Variants in GSTA3 observed in about 807,000 individuals in gnomAD.
GSTA3 encodes the protein glutathione S-transferase A3.
A neutral mutation model predicts 23.1 loss-of-function variants in GSTA3; 16 were observed. The ratio of observed to expected loss-of-function variants is 0.69; its 90% CI spans 0.47 to 1.05. The LOEUF (loss-of-function observed/expected upper bound fraction) is 1.05, where lower values mean the gene tolerates loss of function less well. GSTA3 is among the 50% of genes least tolerant of loss of function. The probability of loss-of-function intolerance (pLI) is 0.00; values close to 1 mark genes in which losing one functional copy is unlikely to be tolerated. For missense variants in GSTA3, 319 were observed against 263.6 expected (o/e 1.21, Z -1.46); for synonymous variants, 122 against 91.0 (o/e 1.34, Z -1.94).
Position 52,899,962 on chromosome 6 carries a change from T to C in GSTA3, c.386A>G (p.Lys129Arg). 1 of 1,614,130 alleles carries C rather than the reference T, an allele frequency of 6.2e-7. No homozygotes were observed. Among genetic ancestry groups the C allele is most frequent in the South Asian group, 1.1e-5 (1 of 91,072 alleles). ...AKIALIKEKT[K>R]SRYFPAFEKV... ...TTCGAAGGCAGGGAAATAGCGACTT[T>C]TTGTTTTCTCTTTGATCAAGGCAAT... The change falls in exon 5 of 7, where the codon AAA becomes AGA. Residue 129 changes from lysine (K) to arginine (R), a missense_variant. By Grantham distance (26) the Lys-to-Arg change is conservative. Transcript: ENST00000211122.
chr6:52,908,917 CAAG>C lies in GSTA3; in HGVS notation c.-22+721_-22+723del, dbSNP rs962135228. Among the ~76,000 whole-genome samples, 6 of 151,244 alleles carry C rather than the reference CAAG, an allele frequency of 4.0e-5. No homozygotes were observed. In the East Asian group the frequency reaches 9.7e-4, roughly 24 times the overall value. On this transcript the variant is annotated intron_variant, in intron 1 of 6. Coordinates refer to ENST00000211122, the MANE Select transcript of GSTA3 (RefSeq NM_000847.5). ...ACCCTTTGGTCCCAGATACTTCGAA[CAAG>C]AAGGAGGAGGAGGAAGAAGAGGCAG...
intron 2 of GSTA3, among the ~76,000 whole-genome samples, chr6:52,905,202 C>T (rs780144899): frequency 1.9e-4 from 29 of 152,134 alleles, no homozygotes; most frequent in Non-Finnish European, 3.5e-4. Flanking sequence ...AATCATCTAG[C>T]TGCAGTAATC....
intron 1 of GSTA3, among the ~76,000 whole-genome samples, chr6:52,907,481 C>T (rs529541289): frequency 0.017 from 2,526 of 150,148 alleles, 34 homozygotes; most frequent in Middle Eastern, 0.031. Context: ...GGGTATATAC[C>T]GAAAGGACTA....
intron 1 of GSTA3, among the ~76,000 whole-genome samples, chr6:52,907,121 AAAAC>A (rs1187508799): frequency 1.4e-5 from 2 of 143,038 alleles, no homozygotes; most frequent in East Asian, 4.0e-4. Context: ...TTACAAGAAA[AAAAC>A]AAACAACCCC....
At chr6:52,905,890 T>A (rs1429709880) in intron 1 of GSTA3, 35 bp from the exon 2 acceptor site, 33 of 1,079,648 alleles carry the variant, frequency 3.1e-5, no homozygotes, top group Non-Finnish European at 4.1e-5. Context: ...AATGGATGAA[T>A]GAATGAGTCT....
chr6:52,905,839 A>G lies in GSTA3; in HGVS notation c.-5T>C, dbSNP rs757825518. Reference sequence around the variant, plus strand: ...AAGCTTGGGCTTCCCTGCCATGGTAACAGTCTCTTGGTTTCTCTAAAATGA... The same window carrying G: ...AAGCTTGGGCTTCCCTGCCATGGTAGCAGTCTCTTGGTTTCTCTAAAATGA... On this transcript the variant is annotated 5_prime_UTR_variant, in exon 2 of 7. Coordinates refer to ENST00000211122, the MANE Select transcript of GSTA3 (RefSeq NM_000847.5). 22 of 1,576,060 alleles carry G rather than the reference A, an allele frequency of 1.4e-5. No homozygotes were observed. The Middle Eastern group carries it at 1.5e-3, about 108-fold the overall frequency.
At chr6:52,900,096 A>C (rs1227289424) in intron 4 of GSTA3, 21 bp from the exon 5 acceptor site, 3 of 1,591,250 alleles carry the variant, frequency 1.9e-6, no homozygotes, top group African/African-American at 1.4e-5. Flanking sequence ...AAAACAGCCA[A>C]AGCATCAAAT....
intron 1 of GSTA3, among the ~76,000 whole-genome samples, chr6:52,908,350 C>G (rs1765965740): frequency 6.6e-6 from 1 of 151,632 alleles, no homozygotes; most frequent in Non-Finnish European, 1.5e-5. Flanking sequence ...AATAAAGTCT[C>G]TATTTAAAAA....
rs1235166188 is a variant in GSTA3 at position 52,899,925 on chromosome 6, T to G, written c.414+9A>C. The G allele has an allele frequency of 7.4e-6, 12 of 1,613,994 alleles. No individual in the cohort carries two copies. Among genetic ancestry groups the G allele is most frequent in the Middle Eastern group, 1.7e-4 (1 of 6,058 alleles). ...TCAGTGCCCCAAAATGCTGAACAGC[T>G]TCACCTACTTTTTCGAAGGCAGGGA... On this transcript the variant is annotated intron_variant, in intron 5 of 6. Coordinates refer to ENST00000211122, the MANE Select transcript of GSTA3 (RefSeq NM_000847.5).
intron 3 of GSTA3, 52 bp from the exon 4 acceptor site, chr6:52,902,530 T>C (rs1249782458): frequency 2.0e-6 from 3 of 1,533,664 alleles, no homozygotes; most frequent in Non-Finnish European, 2.7e-6. Flanking sequence ...AATCCCACTA[T>C]TTCAGGAAGA....
rs45556339 is a variant in GSTA3, at chr6:52,905,426, G to T, written c.87+322C>A. Among the ~76,000 whole-genome samples, 1,068 of 151,812 alleles carry T rather than the reference G, an allele frequency of 7.0e-3. 10 individuals are homozygous for T. The highest frequency in any genetic ancestry group is 0.024 in the African/African-American group (974 of 41,362). Reference sequence around the variant, plus strand: ...TATCTAACATTCAATCAATATTCAGGTTTCTAATTTTTATGTGTCATAAGT... The same window carrying T: ...TATCTAACATTCAATCAATATTCAGTTTTCTAATTTTTATGTGTCATAAGT... On this transcript the variant is annotated intron_variant, in intron 2 of 6. Coordinates refer to ENST00000211122, the MANE Select transcript of GSTA3 (RefSeq NM_000847.5).
Position 52,905,791 on chromosome 6 carries a change from C to A in GSTA3, c.44G>T (p.Arg15Ile), listed in dbSNP as rs766417779. ...CAAGAGCCACCGGATGGGCTCCATT[C>A]TGCCCCGTCCATTGAAGTAGTGAAG... is the stretch of plus-strand genomic sequence containing the variant. The part of the protein sequence containing the change: ...PKLHYFNGRG[R>I]MEPIRWLLAA... The change falls in exon 2 of 7, where the codon AGA becomes ATA. Residue 15 changes from arginine (R) to isoleucine (I), a missense_variant. Transcript: ENST00000211122. 17 of 1,611,210 alleles carry A rather than the reference C, an allele frequency of 1.1e-5. 1 individual carries two copies. The South Asian group carries it at 1.8e-4, about 17-fold the overall frequency.
intron 6 of GSTA3, 44 bp downstream of exon 6, chr6:52,897,781 G>T: frequency 6.2e-7 from 1 of 1,608,744 alleles, no homozygotes; most frequent in Non-Finnish European, 8.5e-7. Flanking sequence ...ATCCCAAGAT[G>T]GGACATGTGG....
intron 2 of GSTA3, among the ~76,000 whole-genome samples, chr6:52,904,508 C>T (rs1044566010): frequency 6.6e-6 from 1 of 152,178 alleles, no homozygotes; most frequent in African/African-American, 2.4e-5. Context: ...CCCAAGCCCT[C>T]GTGAAGCATT....
At chr6:52,899,805 T>C in intron 5 of GSTA3, 129 bp downstream of exon 5, 1 of 842,642 alleles carries the variant, frequency 1.2e-6, no homozygotes, top group South Asian at 1.5e-5. Context: ...GCCTTGAGAG[T>C]CAGAGAGCTG....
chr6:52,901,560 T>C (rs2127358356), intron 4 of GSTA3, among the ~76,000 whole-genome samples: 1 of 152,362 alleles, frequency 6.6e-6, no homozygotes, highest in Middle Eastern at 3.4e-3. Context: ...ACGTTTTGAA[T>C]ACCATGAAAA....
intron 2 of GSTA3, among the ~76,000 whole-genome samples, chr6:52,903,942 G>T (rs774485171): frequency 2.0e-5 from 3 of 152,030 alleles, no homozygotes; most frequent in Non-Finnish European, 2.9e-5. Context: ...ATGCTCATGG[G>T]TCTGACAATG....
intron 1 of GSTA3, among the ~76,000 whole-genome samples, chr6:52,906,901 G>A (rs1255705577): frequency 6.6e-6 from 1 of 151,032 alleles, no homozygotes; most frequent in African/African-American, 2.4e-5. Context: ...ACATAGGCAT[G>A]GGCAAGGACT....
rs748326888 is a variant in GSTA3 at position 52,896,796 on chromosome 6, G to C, written c.*10C>G. On this transcript the variant is annotated 3_prime_UTR_variant, in exon 7 of 7. Transcript: ENST00000211122. ...GGTCTTGCATGTTCTTAGCCTCCAT[G>C]GCTGCTTTATTAAAACCTGAAAATC... The C allele has an allele frequency of 9.6e-5, 155 of 1,613,800 alleles. No homozygotes were observed. Among genetic ancestry groups the C allele is most frequent in the Non-Finnish European group, 1.3e-4 (151 of 1,179,804 alleles).
Sources: allele counts gnomAD v4.1 joint callset (sites outside exome capture counted in the v4.1 genomes callset), GRCh38; gene constraint gnomAD v4.1.1; transcripts MANE v1.5; gene names NCBI Gene and HGNC (gene_info 2026-07-23, HGNC 2026-07-21).